KYNU: variants seen among roughly 807,000 people sequenced by gnomAD.
The protein encoded by KYNU is kynureninase, also known as L-kynurenine hydrolase.
Under a neutral mutation model 59.2 loss-of-function variants are expected in KYNU, and 54 were observed. That is an observed-to-expected ratio of 0.91 (90% CI 0.73 to 1.14). KYNU has a LOEUF of 1.14. Ranked by LOEUF, KYNU falls within the 50% of genes most tolerant of loss-of-function variation. The pLI is 0.00. For synonymous variants in KYNU, 177 were observed against 192.0 expected, an observed-to-expected ratio of 0.92 and a Z score of 0.65; for missense variants, 567 against 554.4, an observed-to-expected ratio of 1.02 and a Z score of -0.23.
chr2:143,032,079 C>T (rs900599157), intron 11 of KYNU, among the ~76,000 whole-genome samples: 1 of 152,030 alleles, frequency 6.6e-6, no homozygotes, highest in Non-Finnish European at 1.5e-5. Flanking sequence ...AGATCGAGAC[C>T]ACCCTGGCTA....
rs768919861 is a variant in KYNU at position 142,927,705 on chromosome 2, G to A, written c.337G>A (p.Asp113Asn). ...GGGGAAGCGTCCTTGGATTACAGGA[G>A]ATGAGAGTATTGTAGGCCTTATGAA... ...EVGKRPWITG[D>N]ESIVGLMKDI... Residue 113 changes from aspartate to asparagine, a missense_variant, in exon 4 of 14, where the codon GAT (aspartate) becomes AAT (asparagine). Transcript: ENST00000264170. The A allele has an allele frequency of 6.2e-7, 1 of 1,613,338 alleles. No homozygotes were observed. The highest frequency in any genetic ancestry group is 1.1e-5 in the South Asian group (1 of 91,056).
At chr2:142,971,275 T>C (rs1045816045) in intron 8 of KYNU, 2 of 151,656 alleles carry the variant, frequency 1.3e-5, no homozygotes, top group African/African-American at 4.8e-5. Flanking sequence ...AAGTCATCGC[T>C]GGTGAATATA....
chr2:142,906,960 G>A (rs748347334), intron 2 of KYNU, among the ~76,000 whole-genome samples: 21 of 152,216 alleles, frequency 1.4e-4, no homozygotes, highest in Non-Finnish European at 2.5e-4. Flanking sequence ...TTCCCAGGAA[G>A]CCTCACACCT....
At chr2:142,930,231 A>G (rs551859033) in intron 4 of KYNU, among the ~76,000 whole-genome samples, 3 of 152,186 alleles carry the variant, frequency 2.0e-5, no homozygotes, top group Admixed American at 6.5e-5. Flanking sequence ...AAAAGGTCAG[A>G]GTTTAGTCCT....
intron 4 of KYNU, among the ~76,000 whole-genome samples, chr2:142,943,346 A>G (rs1429285099): frequency 6.6e-6 from 1 of 152,216 alleles, no homozygotes; most frequent in African/African-American, 2.4e-5. Context: ...AAAAAATTTT[A>G]AAAAGAAGTT....
At chr2:142,994,806 T>A (rs1685498542) in intron 10 of KYNU, among the ~76,000 whole-genome samples, 1 of 152,092 alleles carries the variant, frequency 6.6e-6, no homozygotes, top group African/African-American at 2.4e-5. Flanking sequence ...GGCTCTGTCT[T>A]TACTCTCAGC....
chr2:142,932,430 G>A (rs1449339873), intron 4 of KYNU, among the ~76,000 whole-genome samples: 1 of 152,098 alleles, frequency 6.6e-6, no homozygotes, highest in African/African-American at 2.4e-5. Flanking sequence ...TACCTGATCT[G>A]TTAGCGCATT....
intron 4 of KYNU, among the ~76,000 whole-genome samples, chr2:142,934,756 G>A (rs1179084793): frequency 1.3e-5 from 2 of 152,234 alleles, no homozygotes; most frequent in African/African-American, 2.4e-5. Flanking sequence ...CTCTTCAGTG[G>A]CAAGGCCGAT....
intron 8 of KYNU, among the ~76,000 whole-genome samples, chr2:142,979,594 A>G (rs1253608406): frequency 6.6e-6 from 1 of 152,032 alleles, no homozygotes; most frequent in Non-Finnish European, 1.5e-5. Flanking sequence ...ATGTAAATAG[A>G]GAGAAGTCTA....
chr2:143,026,635 G>A (rs982447630), intron 10 of KYNU, among the ~76,000 whole-genome samples: 1 of 152,154 alleles, frequency 6.6e-6, no homozygotes, highest in African/African-American at 2.4e-5. Context: ...CTTTAGAACC[G>A]GCAGGATTGA....
chr2:142,989,014 A>G (rs775634073), intron 10 of KYNU: 5 of 780,116 alleles, frequency 6.4e-6, no homozygotes, highest in Non-Finnish European at 8.7e-6. Flanking sequence ...CTGAAAATCA[A>G]ATACCACCTG....
At chr2:142,958,449 A>G (rs957360741) in intron 7 of KYNU, among the ~76,000 whole-genome samples, 2 of 152,222 alleles carry the variant, frequency 1.3e-5, no homozygotes, top group African/African-American at 4.8e-5. Context: ...ATCATACAGA[A>G]TAAATTTTAG....
intron 12 of KYNU, among the ~76,000 whole-genome samples, chr2:143,036,276 G>T (rs545064857): frequency 6.6e-6 from 1 of 152,178 alleles, no homozygotes; most frequent in South Asian, 2.1e-4. Context: ...TTTGCCATGA[G>T]AGTACACCGA....
intron 10 of KYNU, among the ~76,000 whole-genome samples, chr2:143,015,072 T>C (rs1386793882): frequency 6.6e-6 from 1 of 152,114 alleles, no homozygotes; most frequent in Non-Finnish European, 1.5e-5. Flanking sequence ...TTTTTGTTTT[T>C]TAAGAGACAG....
intron 2 of KYNU, among the ~76,000 whole-genome samples, chr2:142,914,375 C>T (rs1466740961): frequency 6.6e-6 from 1 of 152,192 alleles, no homozygotes; most frequent in Non-Finnish European, 1.5e-5. Context: ...GAAGTCGTAG[C>T]ATTTACTCAC....
chr2:142,887,027 G>A (rs1253047611), intron 2 of KYNU, among the ~76,000 whole-genome samples: 7 of 152,204 alleles, frequency 4.6e-5, no homozygotes, highest in East Asian at 1.9e-4. Context: ...AAAATTAGCC[G>A]GGCGTAGTGG....
At chr2:143,023,718 C>A in intron 10 of KYNU, among the ~76,000 whole-genome samples, 1 of 150,696 alleles carries the variant, frequency 6.6e-6, no homozygotes, top group Admixed American at 6.6e-5. Context: ...TATAATTGTT[C>A]AAGGAAGAGA....
At chr2:142,997,586 T>A (rs1025463976) in intron 10 of KYNU, among the ~76,000 whole-genome samples, 1 of 152,272 alleles carries the variant, frequency 6.6e-6, no homozygotes, top group Admixed American at 6.5e-5. Flanking sequence ...AATTATTAAA[T>A]GTATGGTAAT....
At chr2:142,879,304 A>G (rs1383686465) in intron 1 of KYNU, among the ~76,000 whole-genome samples, 1 of 152,156 alleles carries the variant, frequency 6.6e-6, no homozygotes, top group East Asian at 1.9e-4. Flanking sequence ...GGGTGCAGTC[A>G]TTTGGAAGAC....
Sources: gnomAD v4.1 joint callset for allele counts (sites outside exome capture counted in the v4.1 genomes callset) on GRCh38, gnomAD v4.1.1 for gene constraint, MANE v1.5 for transcripts, NCBI Gene and HGNC (gene_info 2026-07-23, HGNC 2026-07-21) for gene names.